Variants in CACNA1B observed in about 807,000 individuals in gnomAD.
CACNA1B encodes calcium voltage-gated channel subunit alpha1 B.
Under a neutral mutation model 247.2 loss-of-function variants are expected in CACNA1B, and 70 were observed. That is an observed-to-expected ratio of 0.28 (90% confidence interval 0.23 to 0.35). CACNA1B has a LOEUF of 0.35. Ranked by LOEUF, CACNA1B falls within the 10% of genes least tolerant of loss-of-function variation. The pLI, the probability that CACNA1B is intolerant of heterozygous loss-of-function variation, is 1.00. For missense variants in CACNA1B, 2,367 were observed against 3,197.4 expected, an observed-to-expected ratio of 0.74 and a Z score of 6.26; for synonymous variants, 1,231 against 1,294.4, an observed-to-expected ratio of 0.95 and a Z score of 1.05.
chr9:138,071,143 C>G (rs537120374), intron 32 of CACNA1B, among the ~76,000 whole-genome samples: 1 of 152,266 alleles, frequency 6.6e-6, no homozygotes, highest in Non-Finnish European at 1.5e-5. Flanking sequence ...TCCTCACCTC[C>G]TGGACTGGGT....
chr9:137,963,573 A>G (rs1278265479), intron 10 of CACNA1B, among the ~76,000 whole-genome samples: 1 of 151,880 alleles, frequency 6.6e-6, no homozygotes, highest in Non-Finnish European at 1.5e-5. Context: ...ATTTTTTTGT[A>G]TTTTTAGTAG....
chr9:138,102,110 A>G lies in CACNA1B; in HGVS notation c.5223-601A>G, dbSNP rs942772460. On this transcript the variant is annotated intron_variant, in intron 37 of 46. Coordinates refer to ENST00000371372, the MANE Select transcript of CACNA1B (RefSeq NM_000718.4). This position sits in a 1 kb window ranked among gnomAD's most constrained non-coding sequence, Gnocchi z 5.4. The stretch of plus-strand genomic sequence containing the variant: ...CCTCGGGCGTCTCTGGGCTTGAAGC[A>G]GGACTTGCCCCAAGGTTAGGTTTTG... Among the ~76,000 whole-genome samples, 4 of 152,262 alleles carry G rather than the reference A, an allele frequency of 2.6e-5. No individual in the cohort carries two copies. The highest frequency in any genetic ancestry group is 6.5e-5 in the Admixed American group (1 of 15,306).
intron 35 of CACNA1B, 44 bp from the exon 36 acceptor site, chr9:138,078,070 C>T (rs776370196): frequency 1.9e-6 from 3 of 1,599,794 alleles, no homozygotes; most frequent in Non-Finnish European, 2.6e-6. Context: ...CTCGGGCTCC[C>T]TCAAGGGCCT....
chr9:137,952,092 C>G lies in CACNA1B; in HGVS notation c.967-182C>G, dbSNP rs1446633288. Among the ~76,000 whole-genome samples, 1 of 152,132 alleles carries G rather than the reference C, an allele frequency of 6.6e-6. No individual in the cohort carries two copies. The highest frequency in any genetic ancestry group is 2.4e-5 in the African/African-American group (1 of 41,416). ...ACTCTGCCAGCAAGGGCACGTCTGC[C>G]TGTGGGTGCTGCCTGGACTCCAGCC... On this transcript the variant is annotated intron_variant, in intron 6 of 46. Coordinates refer to ENST00000371372, the MANE Select transcript of CACNA1B (RefSeq NM_000718.4). The surrounding 1 kb of genome is among the most constrained non-coding windows in gnomAD (Gnocchi z 4.8).
At chr9:137,981,535 G>A (rs772168492) in intron 12 of CACNA1B, among the ~76,000 whole-genome samples, 1 of 152,154 alleles carries the variant, frequency 6.6e-6, no homozygotes, top group Non-Finnish European at 1.5e-5. Flanking sequence ...GGGGTGCAGT[G>A]GCACGATCTC....
intron 3 of CACNA1B, among the ~76,000 whole-genome samples, chr9:137,896,064 C>T (rs952000006): frequency 2.6e-5 from 4 of 151,942 alleles, no homozygotes; most frequent in African/African-American, 9.7e-5. Context: ...ACGGTGAAAC[C>T]CTGTCTCTAC....
chr9:138,083,296 A>T (rs1960587208), intron 36 of CACNA1B, among the ~76,000 whole-genome samples: 1 of 151,078 alleles, frequency 6.6e-6, no homozygotes, highest in South Asian at 2.1e-4. Context: ...CTGGTGGCCG[A>T]CATCCCCAAG....
At chr9:137,992,180 C>T (rs1310058098) in intron 15 of CACNA1B, among the ~76,000 whole-genome samples, 4 of 152,212 alleles carry the variant, frequency 2.6e-5, no homozygotes. Context: ...AACCATGTTT[C>T]TGCTGTCTTC....
At chr9:138,024,623 G>T (rs1009622600) in intron 19 of CACNA1B, among the ~76,000 whole-genome samples, 4 of 152,272 alleles carry the variant, frequency 2.6e-5, no homozygotes, top group Middle Eastern at 3.4e-3. Flanking sequence ...GGATTTTGCT[G>T]ATGTGCATTA....
intron 7 of CACNA1B, among the ~76,000 whole-genome samples, chr9:137,953,642 G>A (rs1957905244): frequency 1.3e-5 from 2 of 152,202 alleles, no homozygotes; most frequent in South Asian, 2.1e-4. Context: ...GGCACCGGGG[G>A]AGGGACATCT....
chr9:138,110,355 T>A (rs1188205855), intron 39 of CACNA1B, among the ~76,000 whole-genome samples: 1 of 152,062 alleles, frequency 6.6e-6, no homozygotes, highest in Non-Finnish European at 1.5e-5. Context: ...CCTCAAATGA[T>A]CCACTTGCCT....
intron 20 of CACNA1B, among the ~76,000 whole-genome samples, chr9:138,028,768 T>A (rs1479062142): frequency 6.6e-6 from 1 of 152,256 alleles, no homozygotes; most frequent in Admixed American, 6.5e-5. Flanking sequence ...TTGCTTGGTC[T>A]GATTGGTTGA....
Position 138,122,234 on chromosome 9 carries a change from C to G in CACNA1B, c.*235C>G. On this transcript the variant is annotated 3_prime_UTR_variant, in exon 47 of 47. Transcript: ENST00000371372. ...TGTCCTGCCTTCCTGGGTCTCGTACCACACACCAGACCCTAAACCGCAGGC... is the reference window on the plus strand; with the variant it reads ...TGTCCTGCCTTCCTGGGTCTCGTACGACACACCAGACCCTAAACCGCAGGC... 1 of 578,874 alleles carries G rather than the reference C, an allele frequency of 1.7e-6. No homozygotes were observed. Among genetic ancestry groups the G allele is most frequent in the Non-Finnish European group, 3.1e-6 (1 of 324,292 alleles). The allele number at this position is 578,874 out of a possible 1,614,324, so 35.9% of individuals were successfully genotyped here.
intron 13 of CACNA1B, among the ~76,000 whole-genome samples, chr9:137,984,586 GA>G (rs1256815552): frequency 6.6e-6 from 1 of 152,210 alleles, no homozygotes; most frequent in Non-Finnish European, 1.5e-5. Context: ...GAGGAAGACA[GA>G]AGTCATCAGA....
At chr9:137,972,558 G>T (rs1374380302) in intron 11 of CACNA1B, among the ~76,000 whole-genome samples, 1 of 152,088 alleles carries the variant, frequency 6.6e-6, no homozygotes, top group African/African-American at 2.4e-5. Flanking sequence ...CCTCACCAGG[G>T]CTCTAGCCGG....
At position 137,952,208 on chromosome 9, in the gene CACNA1B, G is replaced by A; in HGVS notation, c.967-66G>A. Reference sequence around the variant, plus strand: ...AGAAGGAGGCCTGTTGGGGGCTGGGGGTGCTCCTGTGGCCGGGACTGTGTT... The same window carrying A: ...AGAAGGAGGCCTGTTGGGGGCTGGGAGTGCTCCTGTGGCCGGGACTGTGTT... On this transcript the variant is annotated intron_variant, in intron 6 of 46. Transcript: ENST00000371372. The surrounding 1 kb of genome is among the most constrained non-coding windows in gnomAD (Gnocchi z 4.8). The A allele has an allele frequency of 2.3e-6, 3 of 1,279,578 alleles. No homozygotes were observed. The highest frequency in any genetic ancestry group is 3.4e-6 in the Non-Finnish European group (3 of 879,138). The allele number at this position is 1,279,578 out of a possible 1,614,324, so 79.3% of individuals were successfully genotyped here. A position where few individuals can be genotyped will look rare whatever the true frequency, so the allele number is the denominator to read the frequency against.
intron 6 of CACNA1B, among the ~76,000 whole-genome samples, chr9:137,926,959 C>T (rs547920947): frequency 6.6e-5 from 10 of 152,264 alleles, no homozygotes; most frequent in South Asian, 6.2e-4. Context: ...ATATGATTTA[C>T]GATTTTCTCC....
At chr9:138,061,794 A>G (rs1959734243) in intron 31 of CACNA1B, among the ~76,000 whole-genome samples, 1 of 152,216 alleles carries the variant, frequency 6.6e-6, no homozygotes, top group South Asian at 2.1e-4. Context: ...TTCTGATATA[A>G]TCAGCTTACC....
Position 138,023,028 on chromosome 9 carries a change from C to T in CACNA1B, c.2285C>T (p.Ala762Val). ...CCCCGCAGCAGGCAGCAGAACTCGGCCAAGGCGCGCTCGGTGTGGGAGCAG... is the reference window on the plus strand; with the variant it reads ...CCCCGCAGCAGGCAGCAGAACTCGGTCAAGGCGCGCTCGGTGTGGGAGCAG... ...ISIAARQQNS[A>V]KARSVWEQRA... Residue 762 changes from alanine to valine, a missense_variant, in exon 19 of 47, where the codon GCC becomes GTC. By Grantham distance (64) the Ala-to-Val change is moderately conservative. Around this residue, in one of 12 missense-constraint regions of CACNA1B, gnomAD observed 631 missense variants for 631.1 expected, o/e 1.00. Transcript: ENST00000371372. 1 of 1,517,598 alleles carries T rather than the reference C, an allele frequency of 6.6e-7. No individual in the cohort carries two copies. The highest frequency in any genetic ancestry group is 1.4e-5 in the African/African-American group (1 of 70,250). The allele number at this position is 1,517,598 out of a possible 1,614,324, so 94.0% of individuals were successfully genotyped here. A position where few individuals can be genotyped will look rare whatever the true frequency, so the allele number is the denominator to read the frequency against.
Sources: allele counts gnomAD v4.1 joint callset (sites outside exome capture counted in the v4.1 genomes callset), GRCh38; gene constraint gnomAD v4.1.1; regional missense constraint gnomAD v4.1.1; non-coding constraint Gnocchi (gnomAD v3.1); transcripts MANE v1.5; gene names NCBI Gene and HGNC (gene_info 2026-07-23, HGNC 2026-07-21).